ADGB: variants seen among roughly 807,000 people sequenced by gnomAD.
The protein encoded by ADGB is androglobin.
A neutral mutation model predicts 210.5 loss-of-function variants in ADGB; 172 were observed. That is an observed-to-expected ratio of 0.82 (90% CI 0.72 to 0.93). The LOEUF (loss-of-function observed/expected upper bound fraction) is 0.93. Among genes scored for constraint, ADGB ranks in the 40% least tolerant of loss-of-function variants. The pLI, the probability that ADGB is intolerant of heterozygous loss-of-function variation, is 0.00. For synonymous variants in ADGB, 658 were observed against 662.7 expected, an observed-to-expected ratio of 0.99 and a Z score of 0.11; for missense variants, 2,025 against 1,964.8, an observed-to-expected ratio of 1.03 and a Z score of -0.58.
chr6:146,756,953 C>A (rs1215808879), intron 27 of ADGB, among the ~76,000 whole-genome samples: 1 of 151,960 alleles, frequency 6.6e-6, no homozygotes, highest in African/African-American at 2.4e-5. Context: ...TCTCAAACTC[C>A]TGACCTCAAG....
chr6:146,682,008 G>A (rs924523693), intron 9 of ADGB, among the ~76,000 whole-genome samples: 2 of 152,044 alleles, frequency 1.3e-5, no homozygotes, highest in African/African-American at 4.8e-5. Flanking sequence ...TATGTGAACT[G>A]ACTCATATGA....
intron 9 of ADGB, among the ~76,000 whole-genome samples, chr6:146,679,455 T>C (rs1345233990): frequency 6.6e-6 from 1 of 152,178 alleles, no homozygotes; most frequent in African/African-American, 2.4e-5. Context: ...ACACAGTAAC[T>C]GCGATATAAA....
At chr6:146,722,580 C>G (rs1347871964) in intron 17 of ADGB, among the ~76,000 whole-genome samples, 3 of 152,134 alleles carry the variant, frequency 2.0e-5, no homozygotes, top group Non-Finnish European at 4.4e-5. Flanking sequence ...TTAGGCACTG[C>G]CAGTATTTCT....
intron 1 of ADGB, among the ~76,000 whole-genome samples, chr6:146,607,423 G>C (rs184990931): frequency 6.6e-6 from 1 of 152,212 alleles, no homozygotes; most frequent in Non-Finnish European, 1.5e-5. Context: ...AGGACTTCCA[G>C]AGTGATTTGG....
chr6:146,807,820 AAT>A (rs1201467850), intron 35 of ADGB: 3 of 318,486 alleles, frequency 9.4e-6, no homozygotes, highest in African/African-American at 4.4e-5. Flanking sequence ...AATGTAATAA[AAT>A]ATATGTTTGA....
At position 146,676,400 on chromosome 6, in the gene ADGB, C is replaced by T. The variant is rs925437390; in HGVS notation, c.1175C>T (p.Pro392Leu). The T allele has an allele frequency of 1.1e-5, 17 of 1,546,298 alleles. No homozygotes were observed. In the South Asian group the frequency reaches 1.6e-4, roughly 14 times the overall value. Residue 392 changes from proline (P) to leucine (L), a missense_variant, in exon 9 of 36, where the codon CCC (proline) becomes CTC (leucine). Coordinates refer to ENST00000397944, the MANE Select transcript of ADGB (RefSeq NM_024694.4). ...KFKFSLHGSR[P>L]SSEVQYSVQS... ...AAATTCTCACTTCATGGTTCAAGAC[C>T]CTCATCAGAAGTGCAGTACTCTGTG...
At chr6:146,705,648 T>C (rs568792581) in intron 13 of ADGB, among the ~76,000 whole-genome samples, 2 of 152,170 alleles carry the variant, frequency 1.3e-5, no homozygotes, top group African/African-American at 2.4e-5. Flanking sequence ...TGGTAAATGA[T>C]CTTTTTAATG....
chr6:146,628,358 T>C (rs1193151981), intron 1 of ADGB, among the ~76,000 whole-genome samples: 1 of 152,028 alleles, frequency 6.6e-6, no homozygotes, highest in Non-Finnish European at 1.5e-5. Context: ...ATGCTCATTT[T>C]TAAGTTGTAT....
At chr6:146,797,803 G>C (rs983122591) in intron 33 of ADGB, among the ~76,000 whole-genome samples, 6 of 151,996 alleles carry the variant, frequency 3.9e-5, no homozygotes, top group Non-Finnish European at 8.8e-5. Context: ...ACTACACATC[G>C]GGTACAATGT....
chr6:146,666,005 G>A (rs945008879), intron 6 of ADGB, among the ~76,000 whole-genome samples: 19 of 152,004 alleles, frequency 1.2e-4, no homozygotes, highest in Admixed American at 2.0e-4. Context: ...TTTGAAATAC[G>A]TAGACATATA....
At chr6:146,661,220 CTTTTTTTTT>C (rs5880682) in intron 5 of ADGB, among the ~76,000 whole-genome samples, 1 of 116,068 alleles carries the variant, frequency 8.6e-6, no homozygotes, top group South Asian at 2.9e-4. Context: ...TTCTTTTTTT[CTTTTTTTTT>C]TTTTTTTTGG....
intron 35 of ADGB, among the ~76,000 whole-genome samples, chr6:146,811,826 C>G (rs1778307210): frequency 6.6e-6 from 1 of 152,048 alleles, no homozygotes; most frequent in Admixed American, 6.6e-5. Context: ...TGTGTGCCAC[C>G]ACGCCTGGCT....
intron 26 of ADGB, among the ~76,000 whole-genome samples, chr6:146,750,975 T>C (rs1178106863): frequency 6.6e-6 from 1 of 152,150 alleles, no homozygotes; most frequent in Non-Finnish European, 1.5e-5. Context: ...TATTTGTTTA[T>C]TTATTTTTAT....
intron 1 of ADGB, among the ~76,000 whole-genome samples, chr6:146,633,884 T>A (rs1369767395): frequency 1.6e-5 from 1 of 60,686 alleles, no homozygotes; most frequent in African/African-American, 5.6e-5. Flanking sequence ...AAAGAAATTG[T>A]TTTTTACAAA....
chr6:146,724,455 T>C lies in ADGB; in HGVS notation c.2237+128T>C, dbSNP rs1776866092. ...TCAAAGCAATTTCTCAAGGCATAGGTCCATGATTATTATTCTTGAGAAAAA... is the reference window on the plus strand; with the variant it reads ...TCAAAGCAATTTCTCAAGGCATAGGCCCATGATTATTATTCTTGAGAAAAA... On this transcript the variant is annotated intron_variant, in intron 18 of 35. Transcript: ENST00000397944. 6 of 894,500 alleles carry C rather than the reference T, an allele frequency of 6.7e-6. No individual in the cohort carries two copies. In the South Asian group the frequency reaches 1.7e-4, roughly 25 times the overall value. 55.4% of individuals were successfully genotyped at this position (894,500 alleles called of 1,614,324 possible).
In ADGB at chr6:146,741,240, A is replaced by G. The variant is rs200957820; in HGVS notation, c.3146A>G (p.Lys1049Arg). 1,454 of 1,551,032 alleles carry G rather than the reference A, an allele frequency of 9.4e-4. 1 individual carries two copies. Among genetic ancestry groups the G allele is most frequent in the Non-Finnish European group, 1.2e-3 (1,360 of 1,146,600 alleles). Residue 1049 changes from lysine to arginine, a missense_variant, in exon 25 of 36, where the codon AAA (lysine) becomes AGA (arginine). Coordinates refer to ENST00000397944, the MANE Select transcript of ADGB (RefSeq NM_024694.4). ...GAGCAAGTGCCAAAGGTGTTCCAAA[A>G]AGTGGTGCCTTATCTTTATACCAAG... is the stretch of plus-strand genomic sequence containing the variant. ...TMEQVPKVFQ[K>R]VVPYLYTKNK...
At chr6:146,676,774 TGG>T (rs1240099189) in intron 9 of ADGB, among the ~76,000 whole-genome samples, 1 of 152,222 alleles carries the variant, frequency 6.6e-6, no homozygotes, top group Non-Finnish European at 1.5e-5. Context: ...CTTGTTTGTG[TGG>T]TTAGATGCCA....
intron 35 of ADGB, among the ~76,000 whole-genome samples, chr6:146,813,189 C>A: frequency 6.6e-6 from 1 of 152,260 alleles, no homozygotes; most frequent in Non-Finnish European, 1.5e-5. Context: ...TTTTCTCTTG[C>A]GGTAATCTGA....
chr6:146,716,456 G>A lies in ADGB; in HGVS notation c.1742-427G>A, dbSNP rs1336206507. Among the ~76,000 whole-genome samples, 12 of 142,370 alleles carry A rather than the reference G, an allele frequency of 8.4e-5. 2 individuals are homozygous for A. The highest frequency in any genetic ancestry group is 3.0e-4 in the African/African-American group (10 of 32,788). The allele number at this position is 142,370 out of a possible 152,430, so 93.4% of individuals were successfully genotyped here. ...AATACAAAAAAAATTAGCCGGGCGC[G>A]GTGGCGGGCGCCTGTAGTCCCAGCT... On this transcript the variant is annotated intron_variant, in intron 14 of 35. Coordinates refer to ENST00000397944, the MANE Select transcript of ADGB (RefSeq NM_024694.4).
Sources: allele counts gnomAD v4.1 joint callset (sites outside exome capture counted in the v4.1 genomes callset), GRCh38; gene constraint gnomAD v4.1.1; transcripts MANE v1.5; gene names NCBI Gene and HGNC (gene_info 2026-07-23, HGNC 2026-07-21).